The following CCSER2 variants were observed in gnomAD, a reference collection of about 807,000 sequenced individuals.
CCSER2 encodes the protein coiled-coil serine rich protein 2.
In CCSER2, 46 loss-of-function variants were observed where a neutral mutation model predicts 92.3. The ratio of observed to expected loss-of-function variants is 0.50; its 90% CI spans 0.39 to 0.64. The LOEUF (loss-of-function observed/expected upper bound fraction) is 0.64. Among genes scored for constraint, CCSER2 ranks in the 30% least tolerant of loss-of-function variants. CCSER2 has a pLI of 0.00. For missense variants in CCSER2, 1,244 were observed against 1,238.9 expected (o/e 1.00, Z -0.06); for synonymous variants, 433 against 431.4 (o/e 1.00, Z -0.04).
At chr10:84,496,726 T>G (rs1489871447) in intron 9 of CCSER2, among the ~76,000 whole-genome samples, 1 of 152,180 alleles carries the variant, frequency 6.6e-6, no homozygotes, top group Non-Finnish European at 1.5e-5. Context: ...GCAGGCTTTC[T>G]TAAATTTTTT....
intron 6 of CCSER2, among the ~76,000 whole-genome samples, chr10:84,450,164 A>C (rs1564676439): frequency 6.6e-6 from 1 of 152,196 alleles, no homozygotes; most frequent in Non-Finnish European, 1.5e-5. Flanking sequence ...ACCAAGGATC[A>C]TGGTAGTAAT....
chr10:84,357,668 T>C (rs990918993), intron 1 of CCSER2, among the ~76,000 whole-genome samples: 1 of 152,158 alleles, frequency 6.6e-6, no homozygotes, highest in Non-Finnish European at 1.5e-5. Flanking sequence ...GCCAGGATGG[T>C]CTTGATCTCC....
At position 84,463,943 on chromosome 10, in the gene CCSER2, G is replaced by A. The variant is rs1165333818; in HGVS notation, c.2075G>A (p.Ser692Asn). ...CCTTCTTTCTGACAGCATGATGGAA[G>A]TGGTTCATTGCATGATATTCAACTG... ...LKRLLHQHDGSGSLHDIQLSL... is the reference protein window; with the variant it reads ...LKRLLHQHDGNGSLHDIQLSL... The change falls in exon 7 of 10, where the codon AGT (serine) becomes AAT (asparagine). Residue 692 changes from serine to asparagine, a missense_variant. By Grantham distance (46) the Ser-to-Asn change is conservative. Coordinates refer to ENST00000372088, the MANE Select transcript of CCSER2 (RefSeq NM_001284240.2). The A allele has an allele frequency of 1.9e-6, 3 of 1,606,322 alleles. No individual in the cohort carries two copies. The highest frequency in any genetic ancestry group is 2.6e-6 in the Non-Finnish European group (3 of 1,173,594).
At chr10:84,350,502 T>C (rs1228335012) in intron 1 of CCSER2, among the ~76,000 whole-genome samples, 1 of 152,238 alleles carries the variant, frequency 6.6e-6, no homozygotes, top group Non-Finnish European at 1.5e-5. Context: ...GCTAGGTGAT[T>C]AATAAATATT....
chr10:84,378,537 C>A (rs998406107), intron 3 of CCSER2, among the ~76,000 whole-genome samples: 1 of 149,898 alleles, frequency 6.7e-6, no homozygotes, highest in South Asian at 2.1e-4. Flanking sequence ...CAGGTTCAAG[C>A]GTTTCTTCTG....
chr10:84,466,873 AG>A (rs1042642857), intron 7 of CCSER2, among the ~76,000 whole-genome samples: 26 of 152,046 alleles, frequency 1.7e-4, no homozygotes, highest in African/African-American at 6.3e-4. Flanking sequence ...TTCCAGTTAC[AG>A]GGGAAAAGTG....
At chr10:84,412,414 G>A (rs186126009) in intron 3 of CCSER2, among the ~76,000 whole-genome samples, 142 of 151,884 alleles carry the variant, frequency 9.3e-4, no homozygotes, top group African/African-American at 3.4e-3. Context: ...ATGTGAATCT[G>A]TCTAGTCATG....
intron 3 of CCSER2, among the ~76,000 whole-genome samples, chr10:84,390,288 T>C (rs1841450646): frequency 6.6e-6 from 1 of 152,178 alleles, no homozygotes; most frequent in Admixed American, 6.5e-5. Flanking sequence ...TTTACAGTTA[T>C]GCATTATTTA....
At chr10:84,386,533 A>AAGC in intron 3 of CCSER2, among the ~76,000 whole-genome samples, 1 of 152,166 alleles carries the variant, frequency 6.6e-6, no homozygotes, top group Non-Finnish European at 1.5e-5. Context: ...CTTGGCCAAC[A>AAGC]TGGCTAAACC....
chr10:84,348,189 G>A (rs11201002), intron 1 of CCSER2, among the ~76,000 whole-genome samples: 74 of 152,352 alleles, frequency 4.9e-4, no homozygotes, highest in South Asian at 3.3e-3. Flanking sequence ...AGGAGACTCC[G>A]TCTGCAATCC....
intron 5 of CCSER2, among the ~76,000 whole-genome samples, chr10:84,436,325 CAAAAAAAAAAAAAA>C (rs1160681619): frequency 2.8e-4 from 4 of 14,328 alleles, no homozygotes; most frequent in African/African-American, 1.7e-3. Flanking sequence ...GACTCCGTCT[CAAAAAAAAAAAAAA>C]AAAAAAAAAA....
At chr10:84,432,133 C>T (rs1229837423) in intron 5 of CCSER2, among the ~76,000 whole-genome samples, 1 of 152,152 alleles carries the variant, frequency 6.6e-6, no homozygotes, top group Non-Finnish European at 1.5e-5. Context: ...TTTTAATTTG[C>T]AGTTCCCTAA....
chr10:84,474,087 A>C (rs1846982737), intron 8 of CCSER2, among the ~76,000 whole-genome samples: 1 of 152,232 alleles, frequency 6.6e-6, no homozygotes, highest in South Asian at 2.1e-4. Flanking sequence ...AAAAAATGCT[A>C]AGAATGCCTG....
At chr10:84,332,431 TATA>T (rs1366052740) in intron 1 of CCSER2, among the ~76,000 whole-genome samples, 82 of 67,966 alleles carry the variant, frequency 1.2e-3, no homozygotes, top group African/African-American at 3.1e-3. Flanking sequence ...TATATATATA[TATA>T]TATTTTTTTT....
In CCSER2 at chr10:84,512,405, A is replaced by AGAGAGAGAGAGAGAGGGGGAG. The variant is rs1554872164; in HGVS notation, c.2326-1033_2326-1032insAGAGGGGGAGGAGAGAGAGAG. On this transcript the variant is annotated intron_variant, in intron 9 of 9. Coordinates refer to ENST00000372088, the MANE Select transcript of CCSER2 (RefSeq NM_001284240.2). ...GTGTGTGTGTGTGTGTGAGAGAGAG[A>AGAGAGAGAGAGAGAGGGGGAG]GAGAGAGAGAGGAGAGAGATAATGC... Among the ~76,000 whole-genome samples, 6 of 140,624 alleles carry AGAGAGAGAGAGAGAGGGGGAG rather than the reference A, an allele frequency of 4.3e-5. No individual in the cohort carries two copies. The Admixed American group carries it at 4.5e-4, about 11-fold the overall frequency. The allele number at this position is 140,624 out of a possible 152,430, so 92.3% of individuals were successfully genotyped here. A position where few individuals can be genotyped will look rare whatever the true frequency, so the allele number is the denominator to read the frequency against.
At chr10:84,341,252 C>T (rs1844163638) in intron 1 of CCSER2, among the ~76,000 whole-genome samples, 1 of 150,716 alleles carries the variant, frequency 6.6e-6, no homozygotes, top group Non-Finnish European at 1.5e-5. Context: ...CCAGGCTTGT[C>T]TCAAACTCCT....
At chr10:84,409,576 C>T (rs1589581504) in intron 3 of CCSER2, among the ~76,000 whole-genome samples, 1 of 147,998 alleles carries the variant, frequency 6.8e-6, no homozygotes, top group African/African-American at 2.5e-5. Context: ...TGATTGCTCT[C>T]TTTTTTTTTT....
intron 3 of CCSER2, chr10:84,391,947 C>A: frequency 2.2e-6 from 3 of 1,366,640 alleles, no homozygotes; most frequent in Non-Finnish European, 3.1e-6. Context: ...TAAGATCCTT[C>A]ATGGATTTAA....
At chr10:84,458,854 A>G (rs1213086442) in intron 6 of CCSER2, among the ~76,000 whole-genome samples, 2 of 151,728 alleles carry the variant, frequency 1.3e-5, no homozygotes, top group African/African-American at 4.8e-5. Flanking sequence ...CTCTTTTGTT[A>G]TTTTGGATTT....
Sources: allele counts gnomAD v4.1 joint callset (sites outside exome capture counted in the v4.1 genomes callset), GRCh38; gene constraint gnomAD v4.1.1; transcripts MANE v1.5; gene names NCBI Gene and HGNC (gene_info 2026-07-23, HGNC 2026-07-21).